PLTP: variants seen among roughly 807,000 people sequenced by gnomAD.
PLTP encodes BPI fold containing family E.
PLTP carries 43 observed loss-of-function variants against 54.1 expected under a neutral mutation model. The observed-to-expected ratio is 0.79, with a 90% CI of 0.62 to 1.02. The LOEUF (loss-of-function observed/expected upper bound fraction) is 1.02, where lower values mean the gene tolerates loss of function less well. Among genes scored for constraint, PLTP ranks in the 50% least tolerant of loss-of-function variants. The pLI is 0.00. For synonymous variants in PLTP, 263 were observed against 264.6 expected (o/e 0.99, Z 0.06); for missense variants, 604 against 645.9 (o/e 0.94, Z 0.70).
At chr20:45,899,807 G>GGGGC in intron 13 of PLTP, 29 bp downstream of exon 13, 57 of 1,369,364 alleles carry the variant, frequency 4.2e-5, no homozygotes, top group Middle Eastern at 1.9e-4. Context: ...CACGAACCCA[G>GGGGC]CCCAGCCCAC....
rs771662332 is a variant in PLTP, at chr20:45,909,518, G to C, written c.483C>G (p.Phe161Leu). The C allele has an allele frequency of 3.1e-6, 5 of 1,614,106 alleles. No individual in the cohort carries two copies. The South Asian group carries it at 5.5e-5, about 18-fold the overall frequency. Residue 161 changes from phenylalanine (F) to leucine (L), a missense_variant and splice_region_variant, in exon 5 of 16, where the codon TTC becomes TTG. Transcript: ENST00000372431. ...SRMHAAFGGT[F>L]KKVYDFLSTF... ...CTGGGGTTGGGGCTGGGGCTTACTT[G>C]AAGGTTCCCCCGAAGGCCGCGTGCA... is the stretch of plus-strand genomic sequence containing the variant.
In PLTP at chr20:45,898,687, C is replaced by G; in HGVS notation, c.*254G>C. The G allele has an allele frequency of 1.5e-6, 1 of 663,592 alleles. No homozygotes were observed. Among genetic ancestry groups the G allele is most frequent in the Non-Finnish European group, 2.6e-6 (1 of 381,204 alleles). 41.1% of individuals were successfully genotyped at this position (663,592 alleles called of 1,614,324 possible). A position where few individuals can be genotyped will look rare whatever the true frequency, so the allele number is the denominator to read the frequency against. On this transcript the variant is annotated 3_prime_UTR_variant, in exon 16 of 16. Coordinates refer to ENST00000372431, the MANE Select transcript of PLTP (RefSeq NM_006227.4). The surrounding 1 kb of genome is among the most constrained non-coding windows in gnomAD (Gnocchi z 4.6). ...ATGGGGTGGCCTGGCCCCTTCTCTG[C>G]TTAAAGAATGCCCTTTATGATGCAC...
chr20:45,899,641 C>G lies in PLTP; in HGVS notation c.1263G>C (p.Gly421=), dbSNP rs148866137. Residue 421 remains glycine (G), a synonymous_variant, in exon 14 of 16, where the codon GGG becomes GGC. Coordinates refer to ENST00000372431, the MANE Select transcript of PLTP (RefSeq NM_006227.4). The part of the protein sequence containing the change: ...QAPLKTMLQI[G]VMPMLNERTW... The stretch of plus-strand genomic sequence containing the variant: ...CCTTACCATTGAGCATGGGCATCAC[C>G]CCAATCTGCAGCATGGTCTTCAGAG... 2.6e-4 allele frequency: 425 copies of G among 1,613,832 alleles called. 3 individuals are homozygous for G. Among genetic ancestry groups the G allele is most frequent in the Non-Finnish European group, 7.0e-5 (83 of 1,179,988 alleles).
At chr20:45,899,372 G>C (rs1426186915) in intron 15 of PLTP, 90 bp downstream of exon 15, 4 of 1,353,940 alleles carry the variant, frequency 3.0e-6, no homozygotes, top group Non-Finnish European at 4.2e-6. Context: ...GACTGGTAAT[G>C]GGGGAGCTGG....
Position 45,905,276 on chromosome 20 carries a change from T to C in PLTP, c.706-158A>G, listed in dbSNP as rs141031686. Reference sequence around the variant, plus strand: ...CACAAGCACATCTCTTAAAAGGCATTGGAAGGAGGACACCTGCTACCAGGG... The same window carrying C: ...CACAAGCACATCTCTTAAAAGGCATCGGAAGGAGGACACCTGCTACCAGGG... On this transcript the variant is annotated intron_variant, in intron 8 of 15. Coordinates refer to ENST00000372431, the MANE Select transcript of PLTP (RefSeq NM_006227.4). 1.6e-3 allele frequency among the ~76,000 whole-genome samples: 236 copies of C among 152,192 alleles called. 3 individuals carry two copies. The East Asian group carries it at 0.041, about 27-fold the overall frequency.
chr20:45,909,469 G>T (rs2083269360), intron 5 of PLTP, 47 bp downstream of exon 5: 2 of 1,606,900 alleles, frequency 1.2e-6, no homozygotes, highest in Non-Finnish European at 1.7e-6. Context: ...AGGCAGATGA[G>T]CTGTGGGGCT....
At chr20:45,902,762 A>C (rs1249912990) in intron 10 of PLTP, among the ~76,000 whole-genome samples, 158 bp from the exon 11 acceptor site, 1 of 152,252 alleles carries the variant, frequency 6.6e-6, no homozygotes, top group Non-Finnish European at 1.5e-5. Context: ...TCACATCTGC[A>C]TCTAGCCTTC....
Position 45,902,372 on chromosome 20 carries a change from A to G in PLTP, c.1108-38T>C, listed in dbSNP as rs199689864. Reference sequence around the variant, plus strand: ...GGGGAGGAGGATGTTACTGACCCAGAAGGTCAGTAACCCACAGCCCATTTT... The same window carrying G: ...GGGGAGGAGGATGTTACTGACCCAGGAGGTCAGTAACCCACAGCCCATTTT... On this transcript the variant is annotated intron_variant, in intron 11 of 15. Transcript: ENST00000372431. 17 of 1,612,392 alleles carry G rather than the reference A, an allele frequency of 1.1e-5. No individual in the cohort carries two copies. In the Middle Eastern group the frequency reaches 6.6e-4, roughly 63 times the overall value.
chr20:45,899,916 G>C (rs2083164806), intron 12 of PLTP, 38 bp from the exon 13 acceptor site: 1 of 1,538,994 alleles, frequency 6.5e-7, no homozygotes, highest in African/African-American at 1.4e-5. Flanking sequence ...CAGGAAGCCT[G>C]GAAGCTCCCC....
intron 4 of PLTP, 54 bp from the exon 5 acceptor site, chr20:45,909,725 G>A: frequency 6.3e-7 from 1 of 1,587,196 alleles, no homozygotes; most frequent in Non-Finnish European, 8.6e-7. Context: ...AGTCTTCAGT[G>A]CCCCCATGCA....
chr20:45,904,357 G>A (rs2083216877), intron 10 of PLTP, among the ~76,000 whole-genome samples: 1 of 152,096 alleles, frequency 6.6e-6, no homozygotes, highest in South Asian at 2.1e-4. Context: ...AGCTACTCAA[G>A]AGGCTGAAGC....
In PLTP at chr20:45,902,607, G is replaced by C. The variant is rs2083198026; in HGVS notation, c.943-3C>G. On this transcript the variant is annotated splice_polypyrimidine_tract_variant and splice_region_variant and intron_variant, in intron 10 of 15. Coordinates refer to ENST00000372431, the MANE Select transcript of PLTP (RefSeq NM_006227.4). ...GGGGAGTCAATCACTGCTGGGCTCT[G>C]GGGGATGAGCAGCAGGGGCGGGTCA... 6.2e-7 allele frequency: 1 copy of C among 1,601,762 alleles called. No homozygotes were observed. Among genetic ancestry groups the C allele is most frequent in the African/African-American group, 1.3e-5 (1 of 74,700 alleles).
intron 3 of PLTP, among the ~76,000 whole-genome samples, chr20:45,910,616 GAA>G (rs546481587): frequency 2.4e-4 from 25 of 102,376 alleles, no homozygotes; most frequent in African/African-American, 8.0e-4. Context: ...CTCCCTCTCA[GAA>G]AAAAAAAAAA....
chr20:45,910,197 C>T, intron 3 of PLTP, 127 bp from the exon 4 acceptor site: 2 of 1,052,424 alleles, frequency 1.9e-6, no homozygotes, highest in Non-Finnish European at 2.8e-6. Flanking sequence ...TGAATTCTTC[C>T]ATTGTCCCTC....
chr20:45,911,003 C>T (rs2083284874), intron 3 of PLTP, 149 bp downstream of exon 3: 1 of 1,557,974 alleles, frequency 6.4e-7, no homozygotes, highest in Non-Finnish European at 8.7e-7. Flanking sequence ...ATCTTTTCGG[C>T]CCCATCCGGT....
chr20:45,899,177 T>C (rs1427214936), intron 15 of PLTP, 114 bp from the exon 16 acceptor site: 3 of 1,459,388 alleles, frequency 2.1e-6, no homozygotes, highest in Non-Finnish European at 2.9e-6. Flanking sequence ...GATAATTCCA[T>C]GTCAAGGTGT....
At chr20:45,907,621 G>T in intron 7 of PLTP, 71 bp downstream of exon 7, 2 of 1,420,104 alleles carry the variant, frequency 1.4e-6, no homozygotes, top group Non-Finnish European at 2.0e-6. Flanking sequence ...TCAACAGCAG[G>T]GCTCGGAAGG....
Position 45,904,788 on chromosome 20 carries a change from G to T in PLTP, c.942+12C>A, listed in dbSNP as rs368148295. 44 of 1,613,818 alleles carry T rather than the reference G, an allele frequency of 2.7e-5. No individual in the cohort carries two copies. In the South Asian group the frequency reaches 4.7e-4, roughly 17 times the overall value. On this transcript the variant is annotated intron_variant, in intron 10 of 15. Transcript: ENST00000372431. ...TGCAGGTGGCCCTATCCCTGCCCCC[G>T]CCAGCACTCACCAGCAGGACAATGC...
chr20:45,902,704 G>C (rs1414553590), intron 10 of PLTP, 100 bp from the exon 11 acceptor site: 2 of 1,269,154 alleles, frequency 1.6e-6, no homozygotes, highest in East Asian at 5.1e-5. Flanking sequence ...CTGTCCTCTG[G>C]GGACTCTCAT....
Sources: gnomAD v4.1 joint callset for allele counts (sites outside exome capture counted in the v4.1 genomes callset) on GRCh38, gnomAD v4.1.1 for gene constraint, Gnocchi (gnomAD v3.1) non-coding constraint, MANE v1.5 for transcripts, NCBI Gene and HGNC (gene_info 2026-07-23, HGNC 2026-07-21) for gene names.